RPA3: variants seen among roughly 807,000 people sequenced by gnomAD.
The protein encoded by RPA3 is replication protein A 14 kDa subunit.
In RPA3, 24 loss-of-function variants were observed where a neutral mutation model predicts 13.7. The observed-to-expected ratio is 1.75, with a 90% confidence interval of 1.27 to 2.46. The LOEUF (loss-of-function observed/expected upper bound fraction) is 2.46, where lower values mean the gene tolerates loss of function less well. Ranked by LOEUF, RPA3 falls within the 30% of genes most tolerant of loss-of-function variation. The pLI is 0.00. For missense variants in RPA3, 183 were observed against 151.0 expected (o/e 1.21, Z -1.11); for synonymous variants, 59 against 51.2 (o/e 1.15, Z -0.65).
intron 7 of RPA3, among the ~76,000 whole-genome samples, 197 bp from the exon 8 acceptor site, chr7:7,637,279 G>A (rs1330682448): frequency 1.3e-5 from 2 of 152,044 alleles, no homozygotes; most frequent in Non-Finnish European, 2.9e-5. Flanking sequence ...CCATTTTGAT[G>A]TTCATTATAC....
chr7:7,655,113 A>T (rs900716123), intron 4 of RPA3, among the ~76,000 whole-genome samples: 8 of 152,144 alleles, frequency 5.3e-5, no homozygotes, highest in Non-Finnish European at 7.4e-5. Context: ...AGTTCCTGGT[A>T]GTAGATATCT....
chr7:7,687,900 G>T (rs1388763794), intron 2 of RPA3, among the ~76,000 whole-genome samples: 1 of 152,050 alleles, frequency 6.6e-6, no homozygotes, highest in African/African-American at 2.4e-5. Context: ...TTTTATTTCT[G>T]GCATCCATCA....
chr7:7,671,903 A>G (rs1374997503), intron 4 of RPA3, among the ~76,000 whole-genome samples: 2 of 152,130 alleles, frequency 1.3e-5, no homozygotes, highest in African/African-American at 4.8e-5. Flanking sequence ...TCTTCTTCAC[A>G]TGACTTGTGT....
At chr7:7,705,466 A>C (rs1462703970) in intron 2 of RPA3, among the ~76,000 whole-genome samples, 1 of 152,224 alleles carries the variant, frequency 6.6e-6, no homozygotes, top group Non-Finnish European at 1.5e-5. Flanking sequence ...ACTGCTCTGT[A>C]CAGCCTGCAC....
At chr7:7,688,716 G>A (rs1355005694) in intron 2 of RPA3, among the ~76,000 whole-genome samples, 2 of 151,900 alleles carry the variant, frequency 1.3e-5, no homozygotes, top group Non-Finnish European at 2.9e-5. Flanking sequence ...CTTTATTTTT[G>A]TATGTCTTGC....
At chr7:7,645,905 G>A (rs187807975) in intron 4 of RPA3, among the ~76,000 whole-genome samples, 3 of 151,730 alleles carry the variant, frequency 2.0e-5, no homozygotes, top group Admixed American at 6.6e-5. Flanking sequence ...TGGCATTATG[G>A]TTATAAGACA....
At position 7,637,854 on chromosome 7, in the gene RPA3, C is replaced by T; in HGVS notation, c.283+10G>A. 6.3e-7 allele frequency: 1 copy of T among 1,598,646 alleles called. No individual in the cohort carries two copies. Among genetic ancestry groups the T allele is most frequent in the Non-Finnish European group, 8.6e-7 (1 of 1,167,100 alleles). ...CATAAAACCAGTCAATACTAGAATGCTTTATTTACCAAAAGGATGGCTATC... is the reference window on the plus strand; with the variant it reads ...CATAAAACCAGTCAATACTAGAATGTTTTATTTACCAAAAGGATGGCTATC... On this transcript the variant is annotated intron_variant, in intron 7 of 7. Coordinates refer to ENST00000223129, the MANE Select transcript of RPA3 (RefSeq NM_002947.5).
chr7:7,681,277 G>T (rs144946366), intron 4 of RPA3, among the ~76,000 whole-genome samples: 80 of 152,088 alleles, frequency 5.3e-4, no homozygotes, highest in African/African-American at 1.9e-3. Flanking sequence ...AAGCATTTCT[G>T]CTTAACACAA....
At chr7:7,684,965 C>T (rs1264281727) in intron 4 of RPA3, among the ~76,000 whole-genome samples, 4 of 152,186 alleles carry the variant, frequency 2.6e-5, no homozygotes, top group African/African-American at 7.2e-5. Flanking sequence ...ATTTCTCCTA[C>T]TGTTTCCTTA....
chr7:7,638,039 C>G, intron 6 of RPA3, 67 bp from the exon 7 acceptor site: 1 of 1,198,596 alleles, frequency 8.3e-7, no homozygotes. Flanking sequence ...TTTTGGAAAA[C>G]TGTTATACAG....
intron 2 of RPA3, among the ~76,000 whole-genome samples, chr7:7,697,879 A>G (rs1055964032): frequency 2.0e-5 from 3 of 152,164 alleles, no homozygotes; most frequent in African/African-American, 7.2e-5. Flanking sequence ...TCTCTGTTTG[A>G]GACCAGAAGT....
chr7:7,711,016 T>C (rs1392160137), intron 2 of RPA3, among the ~76,000 whole-genome samples: 2 of 152,152 alleles, frequency 1.3e-5, no homozygotes, highest in African/African-American at 4.8e-5. Context: ...AGAGAAATCA[T>C]TGGTCGCCGG....
intron 4 of RPA3, among the ~76,000 whole-genome samples, chr7:7,651,526 A>T (rs1298401665): frequency 6.6e-6 from 1 of 152,042 alleles, no homozygotes; most frequent in Non-Finnish European, 1.5e-5. Flanking sequence ...TATTTTCCCT[A>T]TGGCCATTGC....
chr7:7,702,455 A>G (rs1780483456), intron 2 of RPA3, among the ~76,000 whole-genome samples: 1 of 152,196 alleles, frequency 6.6e-6, no homozygotes, highest in Non-Finnish European at 1.5e-5. Context: ...TTGGGGAGGC[A>G]GGAAACCTGG....
chr7:7,709,772 C>A (rs1780705105), intron 2 of RPA3, among the ~76,000 whole-genome samples: 1 of 149,364 alleles, frequency 6.7e-6, no homozygotes, highest in Non-Finnish European at 1.5e-5. Context: ...TGAAAAATAA[C>A]CTTTTAAAGT....
At chr7:7,673,315 GCAGCAGC>G in intron 4 of RPA3, 1 of 336,188 alleles carries the variant, frequency 3.0e-6, no homozygotes, top group South Asian at 5.5e-5. Context: ...TCAGGTAGCA[GCAGCAGC>G]AGCAGCAGCA....
chr7:7,706,229 A>G (rs1167549499), intron 2 of RPA3, among the ~76,000 whole-genome samples: 1 of 152,136 alleles, frequency 6.6e-6, no homozygotes, highest in Non-Finnish European at 1.5e-5. Context: ...ACGGATAATC[A>G]CCTTCTGAGA....
intron 1 of RPA3, among the ~76,000 whole-genome samples, chr7:7,717,016 G>C (rs182779302): frequency 2.0e-5 from 3 of 151,874 alleles, no homozygotes; most frequent in Admixed American, 6.6e-5. Context: ...TCTGCACGAG[G>C]GAGCTTTCCT....
intron 2 of RPA3, among the ~76,000 whole-genome samples, chr7:7,703,030 C>G (rs1453820826): frequency 6.6e-6 from 1 of 152,196 alleles, no homozygotes; most frequent in Non-Finnish European, 1.5e-5. Context: ...AGGAGAATGC[C>G]TTCAGCTAGT....
Sources: gnomAD v4.1 joint callset for allele counts (sites outside exome capture counted in the v4.1 genomes callset) on GRCh38, gnomAD v4.1.1 for gene constraint, MANE v1.5 for transcripts, NCBI Gene and HGNC (gene_info 2026-07-23, HGNC 2026-07-21) for gene names.